CNTNAP2: variants seen among roughly 807,000 people sequenced by gnomAD.
The protein encoded by CNTNAP2 is contactin-associated protein-like 2.
CNTNAP2 carries 98 observed loss-of-function variants against 155.2 expected under a neutral mutation model. The ratio of observed to expected loss-of-function variants is 0.63; its 90% CI spans 0.54 to 0.75. The LOEUF (loss-of-function observed/expected upper bound fraction) is 0.75, where lower values mean the gene tolerates loss of function less well. CNTNAP2 is among the 30% of genes least tolerant of loss of function. CNTNAP2 has a pLI of 0.00. For synonymous variants in CNTNAP2, 651 were observed against 631.2 expected (o/e 1.03, Z -0.47); for missense variants, 1,727 against 1,688.1 (o/e 1.02, Z -0.40).
intron 10 of CNTNAP2, among the ~76,000 whole-genome samples, chr7:147,443,646 A>G (rs77961303): frequency 0.013 from 1,926 of 152,160 alleles, 43 homozygotes; most frequent in African/African-American, 0.044. Context: ...ACATTTTTTT[A>G]GCTCTTTTTA....
chr7:147,604,558 C>G (rs896317966), intron 12 of CNTNAP2, among the ~76,000 whole-genome samples: 1 of 152,150 alleles, frequency 6.6e-6, no homozygotes, highest in Non-Finnish European at 1.5e-5. Flanking sequence ...ACATCTGGAG[C>G]CTGCTACTTC....
intron 3 of CNTNAP2, among the ~76,000 whole-genome samples, chr7:147,003,343 C>CA (rs1352447796): frequency 1.3e-5 from 2 of 151,128 alleles, no homozygotes; most frequent in Non-Finnish European, 3.0e-5. Flanking sequence ...CAACCCCCCC[C>CA]AAAAAAGTAG....
At chr7:146,764,343 A>G (rs186128296) in intron 1 of CNTNAP2, among the ~76,000 whole-genome samples, 1 of 152,312 alleles carries the variant, frequency 6.6e-6, no homozygotes, top group African/African-American at 2.4e-5. Flanking sequence ...ACCTCTGCCT[A>G]GCTCCTGGGT....
At chr7:147,001,497 G>T (rs1798421383) in intron 3 of CNTNAP2, among the ~76,000 whole-genome samples, 1 of 151,990 alleles carries the variant, frequency 6.6e-6, no homozygotes, top group Non-Finnish European at 1.5e-5. Context: ...TTAATATAGA[G>T]AAAATCATAA....
chr7:146,252,050 G>C (rs1228313508), intron 1 of CNTNAP2, among the ~76,000 whole-genome samples: 1 of 152,196 alleles, frequency 6.6e-6, no homozygotes, highest in Non-Finnish European at 1.5e-5. Context: ...CAGGAGCCCA[G>C]AGTGAAGCAG....
intron 18 of CNTNAP2, among the ~76,000 whole-genome samples, chr7:148,179,910 T>G (rs56070964): frequency 0.24 from 36,735 of 152,042 alleles, 4,951 homozygotes; most frequent in African/African-American, 0.36. Flanking sequence ...TGTGAGGTAG[T>G]GGGTTTGCCA....
chr7:147,002,944 CAAAAAA>C (rs773401142), intron 3 of CNTNAP2, among the ~76,000 whole-genome samples: 1,044 of 52,962 alleles, frequency 0.02, 23 homozygotes, highest in African/African-American at 0.066. Context: ...ATGTTCCTTC[CAAAAAA>C]AAAAAAAAAA....
intron 12 of CNTNAP2, among the ~76,000 whole-genome samples, chr7:147,596,953 AGGAAGTTACCCTATAT>A (rs2116853280): frequency 6.6e-6 from 1 of 152,210 alleles, no homozygotes; most frequent in South Asian, 2.1e-4. Flanking sequence ...TGGCAATGTC[AGGAAGTTACCCTATAT>A]GGTCTAAAGA....
intron 22 of CNTNAP2, chr7:148,389,647 G>C (rs62505152): frequency 0.11 from 17,482 of 152,156 alleles, 1,364 homozygotes; most frequent in Non-Finnish European, 0.17. Flanking sequence ...ACCCTTTCTA[G>C]TAACACTTCC....
chr7:147,854,740 A>G (rs1799007416), intron 13 of CNTNAP2, among the ~76,000 whole-genome samples: 1 of 152,300 alleles, frequency 6.6e-6, no homozygotes, highest in Non-Finnish European at 1.5e-5. Context: ...TTAAAAACTG[A>G]TTCTCAATTC....
At chr7:147,935,773 G>GC (rs1157854991) in intron 14 of CNTNAP2, among the ~76,000 whole-genome samples, 3 of 151,956 alleles carry the variant, frequency 2.0e-5, no homozygotes, top group Non-Finnish European at 4.4e-5. Context: ...TTATATGATA[G>GC]CAAAAAAATT....
intron 6 of CNTNAP2, chr7:147,121,370 T>A (rs1801107819): frequency 1.9e-6 from 1 of 520,194 alleles, no homozygotes; most frequent in African/African-American, 1.9e-5. Context: ...ATTATAAAAA[T>A]CTTAGTACCA....
At chr7:147,807,214 T>C (rs533829084) in intron 13 of CNTNAP2, among the ~76,000 whole-genome samples, 1 of 150,974 alleles carries the variant, frequency 6.6e-6, no homozygotes, top group East Asian at 2.0e-4. Flanking sequence ...TCCCAGCTAC[T>C]TGAGAGGCTG....
chr7:147,775,335 ATAAATATATATATT>A lies in CNTNAP2; in HGVS notation c.2099-128227_2099-128214del, dbSNP rs1563084598. Among the ~76,000 whole-genome samples, 44 of 50,188 alleles carry A rather than the reference ATAAATATATATATT, an allele frequency of 8.8e-4. 1 individual carries two copies. The highest frequency in any genetic ancestry group is 5.9e-3 in the African/African-American group (39 of 6,556). 32.9% of individuals were successfully genotyped at this position (50,188 alleles called of 152,430 possible). A position where few individuals can be genotyped will look rare whatever the true frequency, so the allele number is the denominator to read the frequency against. On this transcript the variant is annotated intron_variant, in intron 13 of 23. Coordinates refer to ENST00000361727, the MANE Select transcript of CNTNAP2 (RefSeq NM_014141.6). ...AATATATATATATTTATATATATTTATAAATATATATATTTATATATATTTATAAATATATATAT... is the reference window on the plus strand; with the variant it reads ...AATATATATATATTTATATATATTTATATATATATTTATAAATATATATAT...
intron 3 of CNTNAP2, among the ~76,000 whole-genome samples, chr7:146,886,524 G>A (rs938234008): frequency 2.6e-5 from 4 of 151,922 alleles, no homozygotes; most frequent in Non-Finnish European, 5.9e-5. Context: ...TAACATGGGA[G>A]GCTATTGGGA....
intron 6 of CNTNAP2, among the ~76,000 whole-genome samples, chr7:147,126,689 T>A (rs942496690): frequency 6.6e-6 from 1 of 152,168 alleles, no homozygotes; most frequent in African/African-American, 2.4e-5. Flanking sequence ...ATCAGGCTGG[T>A]CTCGAACTCC....
At chr7:146,618,155 A>G (rs1678489832) in intron 1 of CNTNAP2, among the ~76,000 whole-genome samples, 1 of 152,192 alleles carries the variant, frequency 6.6e-6, no homozygotes, top group Admixed American at 6.5e-5. Context: ...GCCTCACTGA[A>G]CGTTCAATTA....
At chr7:146,706,917 T>TAA (rs778959277) in intron 1 of CNTNAP2, among the ~76,000 whole-genome samples, 7,784 of 126,696 alleles carry the variant, frequency 0.061, 338 homozygotes, top group African/African-American at 0.12. Flanking sequence ...ACTTAAAAGT[T>TAA]AAAAAAAAAA....
chr7:147,177,063 A>G (rs1179336685), intron 8 of CNTNAP2, among the ~76,000 whole-genome samples: 1 of 147,136 alleles, frequency 6.8e-6, no homozygotes, highest in Non-Finnish European at 1.5e-5. Flanking sequence ...TCTGTATAAT[A>G]CATACACACG....
Sources: gnomAD v4.1 joint callset for allele counts (sites outside exome capture counted in the v4.1 genomes callset) on GRCh38, gnomAD v4.1.1 for gene constraint, MANE v1.5 for transcripts, NCBI Gene and HGNC (gene_info 2026-07-23, HGNC 2026-07-21) for gene names.